Variants in TMEM164 observed in about 807,000 individuals in gnomAD.
TMEM164 encodes transmembrane protein 164, also known as RP13-360B22.2.
Under a neutral mutation model 18.8 loss-of-function variants are expected in TMEM164, and 4 were observed. The ratio of observed to expected loss-of-function variants is 0.21; its 90% confidence interval spans 0.10 to 0.49. TMEM164 has a LOEUF of 0.49. Among genes scored for constraint, TMEM164 ranks in the 20% least tolerant of loss-of-function variants. The pLI, the probability that TMEM164 is intolerant of heterozygous loss-of-function variation, is 0.98. For synonymous variants in TMEM164, 86 were observed against 101.7 expected (o/e 0.85, Z 0.93); for missense variants, 108 against 239.9 (o/e 0.45, Z 3.63).
At chrX:110,086,206 T>C (rs746865353) in intron 3 of TMEM164, among the ~76,000 whole-genome samples, 4 of 111,915 alleles carry the variant, frequency 3.6e-5, no homozygotes, top group Non-Finnish European at 5.6e-5. Flanking sequence ...GGTATTTGAG[T>C]GGGAAATTGA....
At chrX:110,122,473 C>T (rs1039649062) in intron 4 of TMEM164, among the ~76,000 whole-genome samples, 1 of 104,155 alleles carries the variant, frequency 9.6e-6, no homozygotes, top group African/African-American at 3.5e-5. Flanking sequence ...ATACCTAATG[C>T]TAAATGACGA....
chrX:110,079,407 C>A (rs899810076), intron 3 of TMEM164, among the ~76,000 whole-genome samples: 1 of 112,255 alleles, frequency 8.9e-6, no homozygotes, highest in Non-Finnish European at 1.9e-5. Context: ...TTGCTCTTGA[C>A]CAGTCCACTT....
chrX:110,083,175 A>C (rs745973879), intron 3 of TMEM164, among the ~76,000 whole-genome samples: 22 of 111,426 alleles, frequency 2.0e-4, no homozygotes, highest in African/African-American at 6.8e-4. Flanking sequence ...TTAGAATGGG[A>C]TTTAAAACAA....
intron 2 of TMEM164, among the ~76,000 whole-genome samples, chrX:110,006,253 G>A (rs1216920180): frequency 1.8e-5 from 2 of 111,267 alleles, no homozygotes; most frequent in Non-Finnish European, 3.8e-5. Flanking sequence ...GTGGAAGTCA[G>A]GTGGCCAGTT....
At chrX:110,055,366 G>A (rs758722038) in intron 2 of TMEM164, 4 of 377,294 alleles carry the variant, frequency 1.1e-5, no homozygotes, top group South Asian at 9.7e-5. Flanking sequence ...AGGAGAGGGT[G>A]CCATTCACAT....
At chrX:110,025,568 AGAGT>A (rs1290043767) in intron 2 of TMEM164, among the ~76,000 whole-genome samples, 1 of 112,200 alleles carries the variant, frequency 8.9e-6, no homozygotes, top group African/African-American at 3.2e-5. Flanking sequence ...TTTCAGAAAA[AGAGT>A]GAGTGAGATG....
chrX:110,090,195 C>G (rs2065904489), intron 3 of TMEM164, among the ~76,000 whole-genome samples: 1 of 110,994 alleles, frequency 9.0e-6, no homozygotes, highest in Non-Finnish European at 1.9e-5. Flanking sequence ...GGGAAACCAC[C>G]AGCTGCAACC....
chrX:110,095,748 A>T (rs190121872), intron 3 of TMEM164, among the ~76,000 whole-genome samples: 1 of 112,314 alleles, frequency 8.9e-6, no homozygotes, highest in African/African-American at 3.2e-5. Flanking sequence ...GTTCCTTTGG[A>T]GGAGAAGAGG....
intron 2 of TMEM164, among the ~76,000 whole-genome samples, chrX:110,048,923 A>T (rs1935429354): frequency 8.9e-6 from 1 of 111,818 alleles, no homozygotes; most frequent in Non-Finnish European, 1.9e-5. Context: ...GGGATTCCAC[A>T]TCTGTACAGA....
Position 110,176,920 on chromosome X carries a change from T to C in TMEM164, c.*3469T>C, listed in dbSNP as rs1490342387. ...TTAGACAAGACACTGACGCTGATTATGGAGGGTCTCCTGCAGGCCCTTGTG... is the reference window on the plus strand; with the variant it reads ...TTAGACAAGACACTGACGCTGATTACGGAGGGTCTCCTGCAGGCCCTTGTG... On this transcript the variant is annotated 3_prime_UTR_variant, in exon 7 of 7. Transcript: ENST00000372068. 3 of 112,717 alleles carry C rather than the reference T, an allele frequency of 2.7e-5. No individual in the cohort carries two copies. Among genetic ancestry groups the C allele is most frequent in the African/African-American group, 9.7e-5 (3 of 30,999 alleles). 9.3% of individuals were successfully genotyped at this position (112,717 alleles called of 1,213,427 possible).
At chrX:110,067,179 C>CGCAT (rs1555996207) in intron 2 of TMEM164, among the ~76,000 whole-genome samples, 168 bp from the exon 3 acceptor site, 13 of 111,092 alleles carry the variant, frequency 1.2e-4, no homozygotes, top group Admixed American at 2.9e-4. Context: ...CACACACACA[C>CGCAT]GCATGCATGC....
At chrX:110,167,209 C>CT (rs1395221069) in intron 5 of TMEM164, among the ~76,000 whole-genome samples, 5 of 111,788 alleles carry the variant, frequency 4.5e-5, no homozygotes, top group African/African-American at 1.6e-4. Flanking sequence ...TTTTATCTCT[C>CT]TTTTTCCACT....
chrX:110,010,162 TCA>T (rs1932933572), intron 2 of TMEM164, among the ~76,000 whole-genome samples: 1 of 112,326 alleles, frequency 8.9e-6, no homozygotes, highest in Non-Finnish European at 1.9e-5. Flanking sequence ...AATCAGGAAA[TCA>T]CACTGTTGGA....
intron 3 of TMEM164, among the ~76,000 whole-genome samples, chrX:110,079,792 C>G (rs1013936561): frequency 6.8e-5 from 7 of 103,320 alleles, no homozygotes; most frequent in Admixed American, 4.3e-4. Flanking sequence ...ATCAACATCT[C>G]ACCCTTTCTT....
intron 5 of TMEM164, among the ~76,000 whole-genome samples, chrX:110,145,435 A>G (rs2066839914): frequency 9.0e-6 from 1 of 111,246 alleles, no homozygotes; most frequent in Non-Finnish European, 1.9e-5. Context: ...GGCAGCCTGG[A>G]AAGGAAGCTG....
chrX:110,030,439 CA>C (rs1934430420), intron 2 of TMEM164, among the ~76,000 whole-genome samples: 1 of 98,943 alleles, frequency 1.0e-5, no homozygotes, highest in Admixed American at 1.1e-4. Flanking sequence ...TTTTTTTTAA[CA>C]TTTTTTTTCG....
At chrX:110,019,722 G>A (rs185184650) in intron 2 of TMEM164, among the ~76,000 whole-genome samples, 1 of 112,188 alleles carries the variant, frequency 8.9e-6, no homozygotes, top group African/African-American at 3.2e-5. Flanking sequence ...GTTTAGCATA[G>A]CATTCTAGGT....
chrX:110,020,869 G>A (rs1933778165), intron 2 of TMEM164, among the ~76,000 whole-genome samples: 1 of 108,318 alleles, frequency 9.2e-6, no homozygotes, highest in Non-Finnish European at 1.9e-5. Flanking sequence ...CTTTTTAAAA[G>A]GAGGCTGATG....
At chrX:110,021,370 G>A (rs1375613854) in intron 2 of TMEM164, among the ~76,000 whole-genome samples, 2 of 111,104 alleles carry the variant, frequency 1.8e-5, no homozygotes, top group Admixed American at 1.9e-4. Flanking sequence ...AGGGGGCATG[G>A]AGAGATTATG....
Sources: allele counts gnomAD v4.1 joint callset (sites outside exome capture counted in the v4.1 genomes callset), GRCh38; gene constraint gnomAD v4.1.1; transcripts MANE v1.5; gene names NCBI Gene and HGNC (gene_info 2026-07-23, HGNC 2026-07-21).